The following MAN2A1 variants were observed in gnomAD, a reference collection of about 807,000 sequenced individuals.
MAN2A1 encodes the protein mannosidase alpha class 2A member 1.
A neutral mutation model predicts 142.6 loss-of-function variants in MAN2A1; 76 were observed. That is an observed-to-expected ratio of 0.53 (90% CI 0.44 to 0.65). The LOEUF is 0.65. Among genes scored for constraint, MAN2A1 ranks in the 30% least tolerant of loss-of-function variants. The pLI is 0.00. For synonymous variants in MAN2A1, 559 were observed against 473.2 expected (o/e 1.18, Z -2.35); for missense variants, 1,311 against 1,365.1 (o/e 0.96, Z 0.62).
intron 1 of MAN2A1, among the ~76,000 whole-genome samples, chr5:109,694,739 ATAG>A (rs1232738885): frequency 6.6e-6 from 1 of 152,080 alleles, no homozygotes; most frequent in African/African-American, 2.4e-5. Flanking sequence ...AGAGTCCAGC[ATAG>A]TAGATGTTAT....
intron 4 of MAN2A1, among the ~76,000 whole-genome samples, chr5:109,751,061 T>G (rs1752531883): frequency 6.6e-6 from 1 of 152,056 alleles, no homozygotes; most frequent in African/African-American, 2.4e-5. Context: ...CTGTCGAACA[T>G]TAGAACTTAC....
At chr5:109,733,657 A>G (rs1199964878) in intron 4 of MAN2A1, among the ~76,000 whole-genome samples, 6 of 152,048 alleles carry the variant, frequency 3.9e-5, no homozygotes, top group African/African-American at 7.3e-5. Flanking sequence ...TATATGCTGG[A>G]TTACATTTAT....
At chr5:109,750,461 G>T (rs1752515104) in intron 4 of MAN2A1, among the ~76,000 whole-genome samples, 1 of 151,980 alleles carries the variant, frequency 6.6e-6, no homozygotes, top group African/African-American at 2.4e-5. Flanking sequence ...TCACTAACCT[G>T]ATTATTCTAC....
chr5:109,797,128 ATTGAAAGG>A (rs1347684151), intron 12 of MAN2A1, among the ~76,000 whole-genome samples: 10 of 152,194 alleles, frequency 6.6e-5, no homozygotes, highest in African/African-American at 2.4e-4. Context: ...AGGATAAGTG[ATTGAAAGG>A]TTGTCATAGG....
At chr5:109,770,250 C>T (rs2112650362) in intron 6 of MAN2A1, 105 bp from the exon 7 acceptor site, 1 of 1,047,504 alleles carries the variant, frequency 9.5e-7, no homozygotes, top group Non-Finnish European at 1.4e-6. Context: ...TGATTTAGCA[C>T]AGAGCTAAAT....
At chr5:109,780,276 G>T (rs899082863) in intron 8 of MAN2A1, among the ~76,000 whole-genome samples, 8 of 151,968 alleles carry the variant, frequency 5.3e-5, no homozygotes, top group Non-Finnish European at 7.4e-5. Flanking sequence ...AGCCAGGATG[G>T]TCTCCATCTC....
intron 20 of MAN2A1, among the ~76,000 whole-genome samples, chr5:109,860,117 T>A (rs958687333): frequency 2.6e-5 from 4 of 152,082 alleles, no homozygotes; most frequent in African/African-American, 9.7e-5. Flanking sequence ...AGTTTGAGGA[T>A]TTTACTTTAT....
chr5:109,841,693 A>G (rs1755210234), intron 16 of MAN2A1, among the ~76,000 whole-genome samples: 1 of 152,214 alleles, frequency 6.6e-6, no homozygotes, highest in Non-Finnish European at 1.5e-5. Context: ...AAAGGACAAA[A>G]TGGATCATTT....
In MAN2A1 at chr5:109,690,274, G is replaced by C. The variant is rs1177932194; in HGVS notation, c.-144G>C. ...GCGCCGGAGACTAGGTGCGGAGCAA[G>C]GCGGGGACTCGCACCCGCATCCGAG... On this transcript the variant is annotated 5_prime_UTR_variant, in exon 1 of 22. Coordinates refer to ENST00000261483, the MANE Select transcript of MAN2A1 (RefSeq NM_002372.4). 5.1e-6 allele frequency: 4 copies of C among 781,704 alleles called. No homozygotes were observed. In the East Asian group the frequency reaches 7.9e-5, roughly 15 times the overall value. The allele number at this position is 781,704 out of a possible 1,614,324, so 48.4% of individuals were successfully genotyped here. A position where few individuals can be genotyped will look rare whatever the true frequency, so the allele number is the denominator to read the frequency against.
At chr5:109,700,297 T>C (rs971621380) in intron 1 of MAN2A1, among the ~76,000 whole-genome samples, 2 of 151,710 alleles carry the variant, frequency 1.3e-5, no homozygotes, top group Non-Finnish European at 2.9e-5. Context: ...TTTTTTTTTT[T>C]TGGTCGTTCA....
intron 4 of MAN2A1, among the ~76,000 whole-genome samples, chr5:109,730,948 T>C (rs1751887769): frequency 6.6e-6 from 1 of 152,224 alleles, no homozygotes; most frequent in African/African-American, 2.4e-5. Context: ...TATTTAAATA[T>C]GCATTAGTTT....
At chr5:109,828,263 GGA>G (rs1255011387) in intron 16 of MAN2A1, among the ~76,000 whole-genome samples, 2 of 152,096 alleles carry the variant, frequency 1.3e-5, no homozygotes, top group African/African-American at 4.8e-5. Context: ...AAAAGTTGAG[GGA>G]GGTGGGAATT....
chr5:109,750,659 A>C (rs192508302), intron 4 of MAN2A1, among the ~76,000 whole-genome samples: 3 of 152,076 alleles, frequency 2.0e-5, no homozygotes, highest in Non-Finnish European at 4.4e-5. Context: ...TGACCTAGTC[A>C]TGCAATTTTT....
intron 19 of MAN2A1, among the ~76,000 whole-genome samples, chr5:109,851,284 C>G (rs996426836): frequency 6.6e-6 from 1 of 152,156 alleles, no homozygotes; most frequent in African/African-American, 2.4e-5. Flanking sequence ...ATCCTCAAAG[C>G]CAATAGAAAT....
At chr5:109,719,472 T>C (rs1309420609) in intron 3 of MAN2A1, among the ~76,000 whole-genome samples, 1 of 152,202 alleles carries the variant, frequency 6.6e-6, no homozygotes, top group African/African-American at 2.4e-5. Context: ...AAGAGAAAAG[T>C]GTGTTCACAT....
intron 15 of MAN2A1, among the ~76,000 whole-genome samples, chr5:109,820,860 T>C (rs1754604197): frequency 6.6e-6 from 1 of 152,182 alleles, no homozygotes; most frequent in Non-Finnish European, 1.5e-5. Context: ...CAATGTTCAG[T>C]TAGGATAAAC....
In MAN2A1 at chr5:109,746,771, G is replaced by A. The variant is rs957801852; in HGVS notation, c.708-8558G>A. On this transcript the variant is annotated intron_variant, in intron 4 of 21. Coordinates refer to ENST00000261483, the MANE Select transcript of MAN2A1 (RefSeq NM_002372.4). The stretch of plus-strand genomic sequence containing the variant: ...TTGTACCTGTTGAACAGTAATTCCC[G>A]TTCCTCTTGCTCCTGGCAACCACTG... Among the ~76,000 whole-genome samples the A allele has an allele frequency of 3.9e-5, 6 of 152,144 alleles. No individual in the cohort carries two copies. In the East Asian group the frequency reaches 7.7e-4, roughly 20 times the overall value.
At chr5:109,818,096 G>GAT (rs1754517930) in intron 13 of MAN2A1, among the ~76,000 whole-genome samples, 1 of 152,104 alleles carries the variant, frequency 6.6e-6, no homozygotes, top group Admixed American at 6.5e-5. Flanking sequence ...GGAACTCTAA[G>GAT]AATTGTTTCT....
At chr5:109,690,738 G>A (rs533033837) in intron 1 of MAN2A1, among the ~76,000 whole-genome samples, 186 bp downstream of exon 1, 1 of 152,128 alleles carries the variant, frequency 6.6e-6, no homozygotes, top group African/African-American at 2.4e-5. Context: ...GGCGCGCCAA[G>A]TTAACAAAGT....
Sources: allele counts gnomAD v4.1 joint callset (sites outside exome capture counted in the v4.1 genomes callset), GRCh38; gene constraint gnomAD v4.1.1; transcripts MANE v1.5; gene names NCBI Gene and HGNC (gene_info 2026-07-23, HGNC 2026-07-21).